The following KDM5A variants were observed in gnomAD, a reference collection of about 807,000 sequenced individuals.
KDM5A encodes lysine demethylase 5A.
A neutral mutation model predicts 193.5 loss-of-function variants in KDM5A; 42 were observed. The observed-to-expected ratio is 0.22, with a 90% confidence interval of 0.17 to 0.28. The LOEUF (loss-of-function observed/expected upper bound fraction) is 0.28, where lower values mean the gene tolerates loss of function less well. KDM5A is among the 10% of genes least tolerant of loss of function. The pLI, the probability that KDM5A is intolerant of heterozygous loss-of-function variation, is 1.00. For missense variants in KDM5A, 1,692 were observed against 2,055.1 expected (o/e 0.82, Z 3.42); for synonymous variants, 796 against 718.1 (o/e 1.11, Z -1.73).
chr12:296,322 C>CA (rs973972360), intron 25 of KDM5A, among the ~76,000 whole-genome samples: 30,744 of 107,102 alleles, frequency 0.29, 3,581 homozygotes, highest in South Asian at 0.37. Flanking sequence ...AACTCCATCT[C>CA]AAAAAAAAAA....
chr12:320,854 A>G, intron 18 of KDM5A, 141 bp downstream of exon 18: 1 of 678,456 alleles, frequency 1.5e-6, no homozygotes, highest in Admixed American at 2.5e-5. Context: ...TGCCTACTAA[A>G]GAACCTCAAA....
intron 3 of KDM5A, among the ~76,000 whole-genome samples, chr12:382,789 T>A (rs1944591334): frequency 6.6e-6 from 1 of 151,850 alleles, no homozygotes; most frequent in Non-Finnish European, 1.5e-5. Flanking sequence ...AAAATTAGCC[T>A]GGTGTGTTGG....
chr12:333,061 T>C (rs1943883395), intron 12 of KDM5A: 1 of 220,892 alleles, frequency 4.5e-6, no homozygotes, highest in East Asian at 1.1e-4. Context: ...ATATGACTCA[T>C]TTCTAGTTAC....
intron 24 of KDM5A, among the ~76,000 whole-genome samples, chr12:306,045 A>G (rs1411879452): frequency 5.1e-5 from 7 of 137,574 alleles, no homozygotes; most frequent in Non-Finnish European, 9.0e-5. Context: ...ATCATGGCTC[A>G]CTGCAGCCTC....
rs2137388652 is a variant in KDM5A, at chr12:307,694, C to G, written c.3690G>C (p.Leu1230=). 6.2e-7 allele frequency: 1 copy of G among 1,614,164 alleles called. No individual in the cohort carries two copies. The highest frequency in any genetic ancestry group is 2.2e-5 in the East Asian group (1 of 44,878). ...RPRLETILSL[L]VSLQKLPVRL... is the part of the protein sequence containing the mutation. ...GTACGGGCAACTTCTGAAGGGATACCAGGAGTGACAGAATAGTCTCTAGCC... is the reference window on the plus strand; with the variant it reads ...GTACGGGCAACTTCTGAAGGGATACGAGGAGTGACAGAATAGTCTCTAGCC... Residue 1230 remains leucine (L), a synonymous_variant, in exon 23 of 28, where the codon CTG becomes CTC. Coordinates refer to ENST00000399788, the MANE Select transcript of KDM5A (RefSeq NM_001042603.3). The surrounding 1 kb of genome is among the most constrained non-coding windows in gnomAD (Gnocchi z 4.3).
chr12:350,427 CAAA>C (rs10616968), intron 10 of KDM5A, among the ~76,000 whole-genome samples, 191 bp downstream of exon 10: 1,697 of 101,170 alleles, frequency 0.017, 33 homozygotes, highest in African/African-American at 0.05. Context: ...GATTCCTTCT[CAAA>C]AAAAAAAAAA....
chr12:330,085 G>GTGTGTGTGTATATATATATATATA (rs377271333), intron 13 of KDM5A, among the ~76,000 whole-genome samples: 32 of 139,370 alleles, frequency 2.3e-4, no homozygotes, highest in African/African-American at 8.6e-4. Flanking sequence ...GTGTGTGTGT[G>GTGTGTGTGTATATATATATATATA]TATATATATA....
intron 8 of KDM5A, 81 bp downstream of exon 8, chr12:353,995 G>T (rs1354543972): frequency 9.8e-7 from 1 of 1,019,936 alleles, no homozygotes; most frequent in Non-Finnish European, 1.5e-6. Context: ...AAACATATTT[G>T]GGAATATGTT....
rs143895308 is a variant in KDM5A, at chr12:338,283, C to G, written c.1309-3861G>C. Among the ~76,000 whole-genome samples the G allele has an allele frequency of 1.8e-3, 267 of 152,336 alleles. 1 individual carries two copies. The highest frequency in any genetic ancestry group is 5.9e-3 in the African/African-American group (247 of 41,586). ...GTGGTTTATGCCGAACTCCTGCTTTCCTTCTAGGAGTTTGGAATTTTGGTA... is the reference window on the plus strand; with the variant it reads ...GTGGTTTATGCCGAACTCCTGCTTTGCTTCTAGGAGTTTGGAATTTTGGTA... On this transcript the variant is annotated intron_variant, in intron 10 of 27. Coordinates refer to ENST00000399788, the MANE Select transcript of KDM5A (RefSeq NM_001042603.3).
At chr12:367,723 G>A (rs935407067) in intron 3 of KDM5A, among the ~76,000 whole-genome samples, 7 of 150,232 alleles carry the variant, frequency 4.7e-5, no homozygotes, top group African/African-American at 1.7e-4. Flanking sequence ...AATTAACCAG[G>A]CAGGTGGTGT....
intron 12 of KDM5A, among the ~76,000 whole-genome samples, chr12:332,223 A>C (rs1279147929): frequency 6.6e-6 from 1 of 152,182 alleles, no homozygotes; most frequent in Admixed American, 6.5e-5. Context: ...AAACTGATAC[A>C]ATTTTTACAA....
intron 1 of KDM5A, chr12:388,632 T>C (rs371593038): frequency 2.0e-6 from 1 of 492,324 alleles, no homozygotes; most frequent in African/African-American, 1.9e-5. Context: ...GTCATAATAC[T>C]GTACTTTAAA....
rs1248066277 is a variant in KDM5A at position 323,759 on chromosome 12, T to A, written c.1991A>T (p.Glu664Val). Reference protein sequence around the residue: ...VQMGVLMSEEEVFELVPDDER... With the variant: ...VQMGVLMSEEVVFELVPDDER... The stretch of plus-strand genomic sequence containing the variant: ...ATCATCAGGAACAAGTTCAAACACT[T>A]CTTCTTCTGACATCAGGACACCCTG... The change falls in exon 15 of 28, where the codon GAA becomes GTA. Residue 664 changes from glutamate to valine, a missense_variant. Physicochemically the swap from Glu to Val is moderately radical, Grantham distance 121. This residue lies in a region of KDM5A where 88 missense variants were observed against 124.6 expected (regional missense o/e 0.71). Coordinates refer to ENST00000399788, the MANE Select transcript of KDM5A (RefSeq NM_001042603.3). The A allele has an allele frequency of 3.1e-6, 5 of 1,613,588 alleles. No homozygotes were observed. The highest frequency in any genetic ancestry group is 1.7e-5 in the Admixed American group (1 of 59,998).
In KDM5A at chr12:323,619, T is replaced by C. The variant is rs1467717181; in HGVS notation, c.2131A>G (p.Met711Val). ...YHPTDLCPCP[M>V]QKKCLRYRYP... ...GGATACCTAAGACATTTCTTCTGCA[T>C]GGGGCAGGGGCACAGATCAGTTGGA... is the stretch of plus-strand genomic sequence containing the variant. The change falls in exon 15 of 28, where the codon ATG becomes GTG. Residue 711 changes from methionine (M) to valine (V), a missense_variant. Coordinates refer to ENST00000399788, the MANE Select transcript of KDM5A (RefSeq NM_001042603.3). 3.1e-6 allele frequency: 5 copies of C among 1,614,132 alleles called. No individual in the cohort carries two copies. In the South Asian group the frequency reaches 5.5e-5, roughly 18 times the overall value.
At chr12:288,428 T>C (rs1943248834) in intron 27 of KDM5A, among the ~76,000 whole-genome samples, 1 of 152,344 alleles carries the variant, frequency 6.6e-6, no homozygotes, top group Admixed American at 6.5e-5. Context: ...TAGGTTACTA[T>C]GTTTAGATCT....
At chr12:315,367 A>G (rs1943639829) in intron 19 of KDM5A, among the ~76,000 whole-genome samples, 1 of 152,208 alleles carries the variant, frequency 6.6e-6, no homozygotes, top group Non-Finnish European at 1.5e-5. Flanking sequence ...TGAGGTCAGG[A>G]GCTCAAGACA....
chr12:343,078 C>T (rs936627191), intron 10 of KDM5A, among the ~76,000 whole-genome samples: 5 of 152,198 alleles, frequency 3.3e-5, no homozygotes, highest in African/African-American at 1.2e-4. Context: ...CCAAATACTG[C>T]AATTTTCCCA....
chr12:387,526 T>C (rs556842309), intron 1 of KDM5A, among the ~76,000 whole-genome samples: 245 of 152,330 alleles, frequency 1.6e-3, no homozygotes, highest in Non-Finnish European at 2.8e-3. Context: ...AGGATGGCAA[T>C]GCGTATCATC....
At chr12:377,880 A>G (rs1281502760) in intron 3 of KDM5A, among the ~76,000 whole-genome samples, 2 of 152,222 alleles carry the variant, frequency 1.3e-5, no homozygotes, top group Admixed American at 6.5e-5. Context: ...AGAATCCAGG[A>G]AGAATGGCTC....
Sources: gnomAD v4.1 joint callset for allele counts (sites outside exome capture counted in the v4.1 genomes callset) on GRCh38, gnomAD v4.1.1 for gene constraint, gnomAD v4.1.1 regional missense constraint, Gnocchi (gnomAD v3.1) non-coding constraint, MANE v1.5 for transcripts, NCBI Gene and HGNC (gene_info 2026-07-23, HGNC 2026-07-21) for gene names.